The following CELF1 variants were observed in gnomAD, a reference collection of about 807,000 sequenced individuals.
The protein encoded by CELF1 is CUGBP Elav-like family member 1, also known as 50 kDa nuclear polyadenylated RNA-binding protein.
Under a neutral mutation model 61.8 loss-of-function variants are expected in CELF1, and 10 were observed. The observed-to-expected ratio is 0.16, with a 90% CI of 0.10 to 0.27. The LOEUF is 0.27. Among genes scored for constraint, CELF1 ranks in the 10% least tolerant of loss-of-function variants. The pLI, the probability that CELF1 is intolerant of heterozygous loss-of-function variation, is 1.00. For missense variants in CELF1, 380 were observed against 639.1 expected (o/e 0.59, Z 4.37); for synonymous variants, 236 against 225.1 (o/e 1.05, Z -0.43).
chr11:47,487,769 G>T (rs1407679568), intron 4 of CELF1, among the ~76,000 whole-genome samples: 1 of 152,010 alleles, frequency 6.6e-6, no homozygotes, highest in East Asian at 1.9e-4. Flanking sequence ...ATCTTTTTTT[G>T]GACTCTTGGT....
Position 47,469,317 on chromosome 11 carries a change from C to T in CELF1, c.*2913G>A, listed in dbSNP as rs1042413136. ...TCTGCTCAATCTTATGGGGATGGCC[C>T]TTTGTTCCCAGAAATCCAAGCTCTT... On this transcript the variant is annotated 3_prime_UTR_variant, in exon 15 of 15. Coordinates refer to ENST00000687097, the MANE Select transcript of CELF1 (RefSeq NM_001376376.1). The T allele has an allele frequency of 9.9e-5, 15 of 152,234 alleles. No homozygotes were observed. The highest frequency in any genetic ancestry group is 3.6e-4 in the African/African-American group (15 of 41,466). The allele number at this position is 152,234 out of a possible 1,614,324, so 9.4% of individuals were successfully genotyped here.
At chr11:47,483,668 T>C (rs889834450) in intron 7 of CELF1, 136 bp from the exon 8 acceptor site, 27 of 653,746 alleles carry the variant, frequency 4.1e-5, no homozygotes, top group African/African-American at 4.1e-4. Context: ...TGTGCTGGTA[T>C]GTTGCAACAG....
intron 1 of CELF1, among the ~76,000 whole-genome samples, chr11:47,515,268 G>C (rs764729518): frequency 6.6e-6 from 1 of 152,204 alleles, no homozygotes; most frequent in Non-Finnish European, 1.5e-5. Flanking sequence ...CAGAAGTGAG[G>C]GAGGTGGAGG....
At chr11:47,487,295 G>A in intron 4 of CELF1, 54 bp from the exon 5 acceptor site, 2 of 1,373,646 alleles carry the variant, frequency 1.5e-6, no homozygotes, top group Non-Finnish European at 2.1e-6. Context: ...AGAATTCCTA[G>A]AGCAATCCTT....
intron 1 of CELF1, among the ~76,000 whole-genome samples, chr11:47,522,719 C>CA (rs372254544): frequency 1.5e-3 from 224 of 151,318 alleles, no homozygotes; most frequent in African/African-American, 5.0e-3. Flanking sequence ...CGCAGCTACT[C>CA]AGAGGCTGAG....
At chr11:47,498,118 A>C (rs1214412231) in intron 3 of CELF1, among the ~76,000 whole-genome samples, 1 of 152,192 alleles carries the variant, frequency 6.6e-6, no homozygotes, top group Non-Finnish European at 1.5e-5. Flanking sequence ...GTAATTTTGG[A>C]GACTACAGAG....
chr11:47,492,127 G>A (rs568150770), intron 3 of CELF1, among the ~76,000 whole-genome samples: 10 of 152,194 alleles, frequency 6.6e-5, no homozygotes, highest in South Asian at 4.1e-4. Context: ...ACGGGTGTGC[G>A]CCACCACATC....
rs1393507019 is a variant in CELF1, at chr11:47,558,911, A to T, written c.-11+5440T>A. On this transcript the variant is annotated intron_variant, in intron 2 of 3. Coordinates refer to the CELF1 transcript ENST00000525841. ...AATTGTAGTCCCAGCTACAATATATAACACATAATATATTGTATATAATGC... is the reference window on the plus strand; with the variant it reads ...AATTGTAGTCCCAGCTACAATATATTACACATAATATATTGTATATAATGC... 2.2e-5 allele frequency among the ~76,000 whole-genome samples: 3 copies of T among 137,292 alleles called. No individual in the cohort carries two copies. In the South Asian group the frequency reaches 6.4e-4, roughly 29 times the overall value. The allele number at this position is 137,292 out of a possible 152,430, so 90.1% of individuals were successfully genotyped here. A position where few individuals can be genotyped will look rare whatever the true frequency, so the allele number is the denominator to read the frequency against.
At chr11:47,512,790 C>G (rs1262066983) in intron 1 of CELF1, among the ~76,000 whole-genome samples, 2 of 152,162 alleles carry the variant, frequency 1.3e-5, no homozygotes, top group African/African-American at 4.8e-5. Flanking sequence ...GTAAGTTAGG[C>G]CCCCTGCTTT....
rs2084647832 is a variant in CELF1 at position 47,483,382 on chromosome 11, G to C, written c.606+71C>G. 3.3e-6 allele frequency: 4 copies of C among 1,194,896 alleles called. No individual in the cohort carries two copies. The African/African-American group carries it at 4.5e-5, about 13-fold the overall frequency. The allele number at this position is 1,194,896 out of a possible 1,614,324, so 74.0% of individuals were successfully genotyped here. A position where few individuals can be genotyped will look rare whatever the true frequency, so the allele number is the denominator to read the frequency against. On this transcript the variant is annotated intron_variant, in intron 8 of 14. Coordinates refer to ENST00000687097, the MANE Select transcript of CELF1 (RefSeq NM_001376376.1). ...GCAATCAGATGCTGCACATGCTGCT[G>C]GACTTTAATGGCCAACTGTCCCAGC... is the stretch of plus-strand genomic sequence containing the variant.
At chr11:47,521,913 A>ATT (rs35862688) in intron 1 of CELF1, among the ~76,000 whole-genome samples, 135 of 146,402 alleles carry the variant, frequency 9.2e-4, no homozygotes, top group South Asian at 1.9e-3. Context: ...AGCTATGCTG[A>ATT]TTTTTTTTTT....
chr11:47,529,442 G>A (rs750112098), intron 1 of CELF1, among the ~76,000 whole-genome samples: 9 of 152,010 alleles, frequency 5.9e-5, no homozygotes, highest in South Asian at 2.1e-4. Flanking sequence ...ATCCCAGCAC[G>A]TTGCGAGGCC....
chr11:47,467,014 A>T lies in CELF1; in HGVS notation c.*5216T>A, dbSNP rs1460285182. On this transcript the variant is annotated 3_prime_UTR_variant, in exon 15 of 15. Coordinates refer to ENST00000687097, the MANE Select transcript of CELF1 (RefSeq NM_001376376.1). The stretch of plus-strand genomic sequence containing the variant: ...TGGGCATAATACCAGGCAACCTGCC[A>T]GCCCCAGAGCAGAAACCCTGCTGGG... 1 of 152,146 alleles carries T rather than the reference A, an allele frequency of 6.6e-6. No individual in the cohort carries two copies. The highest frequency in any genetic ancestry group is 1.5e-5 in the Non-Finnish European group (1 of 68,048). The allele number at this position is 152,146 out of a possible 1,614,324, so 9.4% of individuals were successfully genotyped here.
chr11:47,500,800 C>T, intron 2 of CELF1, 61 bp downstream of exon 2: 1 of 397,980 alleles, frequency 2.5e-6, no homozygotes, highest in Non-Finnish European at 4.4e-6. Context: ...AAAATGTTAT[C>T]TCTGAAGGCT....
intron 1 of CELF1, among the ~76,000 whole-genome samples, chr11:47,508,156 T>G (rs2094679322): frequency 6.6e-6 from 1 of 152,174 alleles, no homozygotes; most frequent in South Asian, 2.1e-4. Flanking sequence ...CAACTTTTAC[T>G]GAGATAGTGT....
chr11:47,520,666 A>G (rs1597797109), intron 1 of CELF1, among the ~76,000 whole-genome samples: 1 of 152,126 alleles, frequency 6.6e-6, no homozygotes, highest in South Asian at 2.1e-4. Flanking sequence ...AAAAAAATTA[A>G]CTGGGCATGG....
At chr11:47,509,202 G>C (rs1174575667) in intron 1 of CELF1, among the ~76,000 whole-genome samples, 1 of 152,328 alleles carries the variant, frequency 6.6e-6, no homozygotes, top group South Asian at 2.1e-4. Flanking sequence ...TAAAAGCTTT[G>C]ACTGTTTTAC....
intron 1 of CELF1, among the ~76,000 whole-genome samples, chr11:47,503,109 A>G (rs1187764428): frequency 1.3e-5 from 2 of 152,250 alleles, no homozygotes; most frequent in African/African-American, 4.8e-5. Context: ...AGGTAGGAGT[A>G]GTCAGCCTGC....
intron 13 of CELF1, among the ~76,000 whole-genome samples, chr11:47,474,574 C>T (rs1292320860): frequency 6.6e-6 from 1 of 152,212 alleles, no homozygotes; most frequent in Non-Finnish European, 1.5e-5. Flanking sequence ...TTGGTTCACG[C>T]TACATTCTCC....
Sources: gnomAD v4.1 joint callset for allele counts (sites outside exome capture counted in the v4.1 genomes callset) on GRCh38, gnomAD v4.1.1 for gene constraint, MANE v1.5 for transcripts, NCBI Gene and HGNC (gene_info 2026-07-23, HGNC 2026-07-21) for gene names.